The following SAMD5 variants were observed in gnomAD, a reference collection of about 807,000 sequenced individuals.
The protein encoded by SAMD5 is sterile alpha motif domain-containing protein 5.
SAMD5 carries 13 observed loss-of-function variants against 11.3 expected under a neutral mutation model. The ratio of observed to expected loss-of-function variants is 1.15; its 90% CI spans 0.75 to 1.83. The LOEUF is 1.83. Among genes scored for constraint, SAMD5 ranks in the 40% most tolerant of loss-of-function variants. The pLI, the probability that SAMD5 is intolerant of heterozygous loss-of-function variation, is 0.00. For synonymous variants in SAMD5, 129 were observed against 111.3 expected (o/e 1.16, Z -1.00); for missense variants, 255 against 239.1 (o/e 1.07, Z -0.44).
At chr6:147,849,272 GA>G in the SAMD5 span, among the ~76,000 whole-genome samples, 2 of 148,440 alleles carry the variant, frequency 1.3e-5, no homozygotes, top group African/African-American at 2.5e-5. Context: ...TAAACTTTGA[GA>G]AAAAAAATTC....
chr6:147,784,596 G>T, the SAMD5 span, among the ~76,000 whole-genome samples: 1 of 152,184 alleles, frequency 6.6e-6, no homozygotes, highest in Non-Finnish European at 1.5e-5. Flanking sequence ...AATTACTGCG[G>T]TAAATTGCAT....
At chr6:147,753,632 G>T in the SAMD5 span, among the ~76,000 whole-genome samples, 2 of 152,022 alleles carry the variant, frequency 1.3e-5, no homozygotes, top group African/African-American at 4.8e-5. Flanking sequence ...TCACCCTGTT[G>T]TGCTATCAAA....
chr6:147,587,357 C>T (rs1427630218), intron 1 of SAMD5, among the ~76,000 whole-genome samples: 1 of 152,066 alleles, frequency 6.6e-6, no homozygotes, highest in African/African-American at 2.4e-5. Context: ...CCTATCTCAG[C>T]CTCCCCAGTA....
At chr6:147,585,871 T>A (rs1789366523) in intron 1 of SAMD5, among the ~76,000 whole-genome samples, 1 of 151,966 alleles carries the variant, frequency 6.6e-6, no homozygotes, top group South Asian at 2.1e-4. Flanking sequence ...AAACAGCTGG[T>A]GAAAAAGTAA....
intron 1 of SAMD5, among the ~76,000 whole-genome samples, chr6:147,705,542 A>C (rs1425052414): frequency 6.6e-6 from 1 of 152,250 alleles, no homozygotes; most frequent in Non-Finnish European, 1.5e-5. Flanking sequence ...AGATTAAAGC[A>C]AAATTCCATT....
the SAMD5 span, among the ~76,000 whole-genome samples, chr6:147,842,803 A>G: frequency 6.6e-6 from 1 of 152,344 alleles, no homozygotes; most frequent in Non-Finnish European, 1.5e-5. Flanking sequence ...ATTTGTGCCC[A>G]TCACATTTGA....
intron 1 of SAMD5, among the ~76,000 whole-genome samples, chr6:147,687,789 AG>A (rs1791039400): frequency 6.6e-6 from 1 of 152,204 alleles, no homozygotes; most frequent in Non-Finnish European, 1.5e-5. Flanking sequence ...TGGCTTGCAT[AG>A]TTTCTGCTGA....
chr6:147,880,430 C>T, the SAMD5 span, among the ~76,000 whole-genome samples: 1 of 152,210 alleles, frequency 6.6e-6, no homozygotes, highest in South Asian at 2.1e-4. Flanking sequence ...ACTTCCAGAC[C>T]TCTGTTGTAC....
intron 1 of SAMD5, among the ~76,000 whole-genome samples, chr6:147,591,804 A>G (rs1562328354): frequency 6.6e-6 from 1 of 151,994 alleles, no homozygotes; most frequent in Non-Finnish European, 1.5e-5. Context: ...ATCTACATTT[A>G]CAGGTCACCC....
chr6:147,896,755 A>AAAAAAAAACAAAAAACAAACAAAC, the SAMD5 span, among the ~76,000 whole-genome samples: 6 of 142,456 alleles, frequency 4.2e-5, no homozygotes, highest in African/African-American at 1.7e-4. Flanking sequence ...AAAAAAAAAA[A>AAAAAAAAACAAAAAACAAACAAAC]AAAAAAAACG....
At chr6:147,519,813 T>G (rs1213630367) in intron 1 of SAMD5, among the ~76,000 whole-genome samples, 2 of 152,200 alleles carry the variant, frequency 1.3e-5, no homozygotes, top group Admixed American at 1.3e-4. Context: ...CATGAAAACT[T>G]AACATGCAGC....
chr6:147,633,400 G>C (rs576303972), intron 1 of SAMD5, among the ~76,000 whole-genome samples: 1 of 152,054 alleles, frequency 6.6e-6, no homozygotes, highest in African/African-American at 2.4e-5. Flanking sequence ...TGTCGCCAGC[G>C]GGGGAAATAG....
At chr6:147,646,220 C>T (rs558588921) in intron 1 of SAMD5, among the ~76,000 whole-genome samples, 1 of 152,230 alleles carries the variant, frequency 6.6e-6, no homozygotes, top group South Asian at 2.1e-4. Flanking sequence ...GGAAGCCTTA[C>T]TGATAACATG....
At chr6:147,651,580 G>T (rs951830410) in intron 1 of SAMD5, among the ~76,000 whole-genome samples, 4 of 152,150 alleles carry the variant, frequency 2.6e-5, no homozygotes, top group Non-Finnish European at 5.9e-5. Flanking sequence ...TCCACCGTGT[G>T]AGGACACAGT....
chr6:147,571,725 GTTAA>G (rs1789141142), downstream of SAMD5, among the ~76,000 whole-genome samples: 2 of 152,076 alleles, frequency 1.3e-5, no homozygotes, highest in East Asian at 1.9e-4. Flanking sequence ...CATTTTGGAA[GTTAA>G]TTAATCTACA....
At chr6:147,828,857 T>C in the SAMD5 span, among the ~76,000 whole-genome samples, 1 of 152,098 alleles carries the variant, frequency 6.6e-6, no homozygotes, top group East Asian at 1.9e-4. Context: ...GATAACAGCC[T>C]TAAAGCCCAG....
rs553574316 is a variant in SAMD5, at chr6:147,613,415, C to T, written c.162+104028C>T. On this transcript the variant is annotated intron_variant, in intron 1 of 1. Coordinates refer to the SAMD5 transcript ENST00000566741. ...ACTTCTGGCCCCCTTTCTGGCTAGT[C>T]GAGACTCAGCACTCACCGAGGCTCA... is the stretch of plus-strand genomic sequence containing the variant. 2.2e-4 allele frequency among the ~76,000 whole-genome samples: 34 copies of T among 151,946 alleles called. 1 individual carries two copies. The South Asian group carries it at 3.3e-3, about 15-fold the overall frequency.
In SAMD5 at chr6:147,639,569, C is replaced by T. The variant is rs181701057; in HGVS notation, c.163-97748C>T. ...GGGTGGGTGCTACATCTCCATCCTCCCCTGTCCCAGCAACATTCTCCTCTT... is the reference window on the plus strand; with the variant it reads ...GGGTGGGTGCTACATCTCCATCCTCTCCTGTCCCAGCAACATTCTCCTCTT... On this transcript the variant is annotated intron_variant, in intron 1 of 1. Coordinates refer to the SAMD5 transcript ENST00000566741. 4.5e-4 allele frequency among the ~76,000 whole-genome samples: 69 copies of T among 152,310 alleles called. 1 individual carries two copies. In the East Asian group the frequency reaches 7.4e-3, roughly 16 times the overall value.
At chr6:147,741,026 C>T (rs1791872349), downstream of SAMD5, among the ~76,000 whole-genome samples, 1 of 152,156 alleles carries the variant, frequency 6.6e-6, no homozygotes, top group Non-Finnish European at 1.5e-5. Flanking sequence ...ACTTTTTCTT[C>T]AGGTATACAT....
Sources: allele counts gnomAD v4.1 joint callset (sites outside exome capture counted in the v4.1 genomes callset), GRCh38; gene constraint gnomAD v4.1.1; transcripts MANE v1.5; gene names NCBI Gene and HGNC (gene_info 2026-07-23, HGNC 2026-07-21).